The following EPHA7 variants were observed in gnomAD, a reference collection of about 807,000 sequenced individuals.
The protein encoded by EPHA7 is ephrin type-A receptor 7.
Under a neutral mutation model 112.6 loss-of-function variants are expected in EPHA7, and 25 were observed. The observed-to-expected ratio is 0.22, with a 90% CI of 0.16 to 0.31. EPHA7 has a LOEUF of 0.31. Among genes scored for constraint, EPHA7 ranks in the 10% least tolerant of loss-of-function variants. EPHA7 has a pLI of 1.00. For missense variants in EPHA7, 962 were observed against 1,212.6 expected (o/e 0.79, Z 3.07); for synonymous variants, 437 against 406.5 (o/e 1.07, Z -0.90).
At chr6:93,360,923 G>A (rs1257105992) in intron 3 of EPHA7, among the ~76,000 whole-genome samples, 1 of 152,012 alleles carries the variant, frequency 6.6e-6, no homozygotes, top group Admixed American at 6.6e-5. Flanking sequence ...TGACACTTAC[G>A]TAATGGGACT....
intron 3 of EPHA7, among the ~76,000 whole-genome samples, chr6:93,363,173 G>C (rs924128169): frequency 6.6e-5 from 10 of 151,974 alleles, no homozygotes; most frequent in Non-Finnish European, 1.3e-4. Flanking sequence ...CATTATTAGG[G>C]CCTAGACATT....
At chr6:93,357,123 A>C in intron 4 of EPHA7, 71 bp from the exon 5 acceptor site, 2 of 1,251,090 alleles carry the variant, frequency 1.6e-6, no homozygotes, top group Non-Finnish European at 2.2e-6. Flanking sequence ...AAAAGAACAA[A>C]AGGATCTGTG....
chr6:93,386,409 T>C (rs921114929), intron 3 of EPHA7, among the ~76,000 whole-genome samples: 15 of 152,106 alleles, frequency 9.9e-5, no homozygotes, highest in African/African-American at 2.9e-4. Flanking sequence ...GCCTTAAAGT[T>C]CCAAAATGAT....
intron 5 of EPHA7, among the ~76,000 whole-genome samples, chr6:93,321,970 C>A (rs1406098124): frequency 2.0e-5 from 3 of 151,754 alleles, no homozygotes; most frequent in Non-Finnish European, 2.9e-5. Flanking sequence ...ACATTAATTT[C>A]TTCATATTTA....
Position 93,264,841 on chromosome 6 carries a change from A to G in EPHA7, c.1634-139T>C, listed in dbSNP as rs187579501. 20 of 430,038 alleles carry G rather than the reference A, an allele frequency of 4.7e-5. No homozygotes were observed. In the East Asian group the frequency reaches 7.6e-4, roughly 16 times the overall value. 26.6% of individuals were successfully genotyped at this position (430,038 alleles called of 1,614,324 possible). ...CATTATATTGTAACAAAGTAAATTT[A>G]AATAAATGTTTATTTCTGCCTTTTA... On this transcript the variant is annotated intron_variant, in intron 7 of 16. Coordinates refer to ENST00000369303, the MANE Select transcript of EPHA7 (RefSeq NM_004440.4).
chr6:93,254,856 C>T, intron 13 of EPHA7, 60 bp from the exon 14 acceptor site: 5 of 1,398,328 alleles, frequency 3.6e-6, no homozygotes, highest in Non-Finnish European at 4.9e-6. Context: ...TTATTTATGG[C>T]AATACCATAA....
chr6:93,411,774 C>T (rs1778987850), intron 2 of EPHA7, among the ~76,000 whole-genome samples: 1 of 152,014 alleles, frequency 6.6e-6, no homozygotes, highest in Admixed American at 6.6e-5. Context: ...ATATCACATA[C>T]AAAGCCACAT....
At chr6:93,296,565 T>C (rs976874565) in intron 5 of EPHA7, among the ~76,000 whole-genome samples, 2 of 150,802 alleles carry the variant, frequency 1.3e-5, no homozygotes, top group Non-Finnish European at 3.0e-5. Context: ...ACCTAGAGGA[T>C]ATTACGCTAG....
chr6:93,411,541 G>A (rs1396472199), intron 2 of EPHA7, among the ~76,000 whole-genome samples: 3 of 152,056 alleles, frequency 2.0e-5, no homozygotes, highest in Non-Finnish European at 4.4e-5. Flanking sequence ...ATGGATGCCT[G>A]GCAGAATTTT....
At chr6:93,336,683 G>A (rs1774895602) in intron 5 of EPHA7, among the ~76,000 whole-genome samples, 1 of 151,984 alleles carries the variant, frequency 6.6e-6, no homozygotes, top group South Asian at 2.1e-4. Context: ...TTACAGTCAT[G>A]AGCCACCCTG....
At position 93,404,077 on chromosome 6, in the gene EPHA7, G is replaced by C. The variant is rs369694340; in HGVS notation, c.832+6424C>G. On this transcript the variant is annotated intron_variant, in intron 3 of 16. Coordinates refer to ENST00000369303, the MANE Select transcript of EPHA7 (RefSeq NM_004440.4). ...GTGATAAAAATGTGACTGAAAGTTA[G>C]AAAAGAAAATAAGGTGAAGATGAGG... Among the ~76,000 whole-genome samples, 121 of 152,134 alleles carry C rather than the reference G, an allele frequency of 8.0e-4. 1 individual carries two copies. The highest frequency in any genetic ancestry group is 2.8e-3 in the African/African-American group (116 of 41,536).
intron 5 of EPHA7, among the ~76,000 whole-genome samples, chr6:93,299,273 C>G (rs1772840671): frequency 6.6e-6 from 1 of 151,670 alleles, no homozygotes; most frequent in South Asian, 2.1e-4. Flanking sequence ...TTGCAGTGAG[C>G]CGAGATCGCG....
In EPHA7 at chr6:93,245,309, C is replaced by T. The variant is rs542454175; in HGVS notation, c.2871G>A (p.Arg957=). ...AGYNSLESVA[R]MTIEDVMSLG... is the part of the protein sequence containing the mutation. The stretch of plus-strand genomic sequence containing the variant: ...GAGTTTAAGCTTACTCAATAGTCAT[C>T]CTGGCTACTGATTCAAGGGAATTGT... Residue 957 remains arginine (R), a synonymous_variant, in exon 16 of 17, where the codon AGG becomes AGA. Coordinates refer to ENST00000369303, the MANE Select transcript of EPHA7 (RefSeq NM_004440.4). 3.1e-6 allele frequency: 5 copies of T among 1,612,612 alleles called. No individual in the cohort carries two copies. In the South Asian group the frequency reaches 4.4e-5, roughly 14 times the overall value.
intron 3 of EPHA7, among the ~76,000 whole-genome samples, chr6:93,378,735 C>T (rs936888501): frequency 2.6e-5 from 4 of 152,072 alleles, no homozygotes; most frequent in East Asian, 1.9e-4. Context: ...GATTAAGTAA[C>T]TTACTATATT....
intron 3 of EPHA7, among the ~76,000 whole-genome samples, chr6:93,381,060 T>C (rs1777310036): frequency 6.6e-6 from 1 of 152,170 alleles, no homozygotes; most frequent in Non-Finnish European, 1.5e-5. Flanking sequence ...ATATCTTCTA[T>C]GAAAATAATA....
intron 5 of EPHA7, among the ~76,000 whole-genome samples, chr6:93,334,428 G>T (rs1379422119): frequency 6.6e-6 from 1 of 151,888 alleles, no homozygotes; most frequent in Non-Finnish European, 1.5e-5. Flanking sequence ...CACAGCAAAA[G>T]AAACTATCAA....
intron 6 of EPHA7, among the ~76,000 whole-genome samples, chr6:93,270,809 A>G (rs149047489): frequency 3.3e-5 from 5 of 151,924 alleles, no homozygotes; most frequent in African/African-American, 1.2e-4. Flanking sequence ...AGACCTAGGC[A>G]TAACTCAGGT....
chr6:93,344,270 T>A (rs1031589444), intron 5 of EPHA7, among the ~76,000 whole-genome samples: 12 of 151,606 alleles, frequency 7.9e-5, no homozygotes, highest in Non-Finnish European at 3.0e-5. Flanking sequence ...ACAATTAACA[T>A]CTTTCTTTTT....
chr6:93,404,657 G>GGA (rs144557748), intron 3 of EPHA7, among the ~76,000 whole-genome samples: 25,095 of 147,610 alleles, frequency 0.17, 2,229 homozygotes, highest in East Asian at 0.31. Flanking sequence ...TTAGAGAGAG[G>GGA]GAGAGAGAGA....
Sources: allele counts gnomAD v4.1 joint callset (sites outside exome capture counted in the v4.1 genomes callset), GRCh38; gene constraint gnomAD v4.1.1; transcripts MANE v1.5; gene names NCBI Gene and HGNC (gene_info 2026-07-23, HGNC 2026-07-21).